Variants in LIN7A observed in about 807,000 individuals in gnomAD.
LIN7A encodes the protein lin-7 cell polarity scaffold A.
LIN7A carries 25 observed loss-of-function variants against 29.8 expected under a neutral mutation model. The ratio of observed to expected loss-of-function variants is 0.84; its 90% CI spans 0.61 to 1.17. The LOEUF (loss-of-function observed/expected upper bound fraction) is 1.17. LIN7A is among the 50% of genes most tolerant of loss of function. The probability of loss-of-function intolerance (pLI) is 0.00; values close to 1 mark genes in which losing one functional copy is unlikely to be tolerated. For synonymous variants in LIN7A, 118 were observed against 107.5 expected (o/e 1.10, Z -0.60); for missense variants, 239 against 287.0 (o/e 0.83, Z 1.21).
chr12:80,864,323 A>T (rs1425710882), intron 2 of LIN7A, among the ~76,000 whole-genome samples: 2 of 152,016 alleles, frequency 1.3e-5, no homozygotes, highest in South Asian at 4.1e-4. Flanking sequence ...CCATATCAAG[A>T]TGAGAAAAAA....
At chr12:80,800,715 A>G (rs1035713456) in intron 5 of LIN7A, among the ~76,000 whole-genome samples, 1 of 152,098 alleles carries the variant, frequency 6.6e-6, no homozygotes, top group African/African-American at 2.4e-5. Context: ...AGCATATCAG[A>G]TAGAAGCAGA....
At chr12:80,848,112 C>T in intron 3 of LIN7A, 139 bp downstream of exon 3, 1 of 714,732 alleles carries the variant, frequency 1.4e-6, no homozygotes, top group South Asian at 1.5e-5. Flanking sequence ...AGAAGTAGTA[C>T]TGGTTCTAGA....
At chr12:80,928,506 T>A (rs755229602) in intron 1 of LIN7A, among the ~76,000 whole-genome samples, 3 of 152,244 alleles carry the variant, frequency 2.0e-5, no homozygotes, top group Non-Finnish European at 4.4e-5. Flanking sequence ...TTTTGAGGAA[T>A]GTCTGTTCAT....
In LIN7A at chr12:80,819,413, CTT is replaced by C. The variant is rs368578190; in HGVS notation, c.484-7732_484-7731del. On this transcript the variant is annotated intron_variant, in intron 4 of 5. Coordinates refer to ENST00000552864, the MANE Select transcript of LIN7A (RefSeq NM_004664.4). ...AATATGCTAATGATCTCCCATAGTACTTTGTTCTTGCTTTATGCTAATATCTA... is the reference window on the plus strand; with the variant it reads ...AATATGCTAATGATCTCCCATAGTACTGTTCTTGCTTTATGCTAATATCTA... Among the ~76,000 whole-genome samples the C allele has an allele frequency of 2.6e-3, 398 of 152,204 alleles. 1 individual carries two copies. The highest frequency in any genetic ancestry group is 8.8e-3 in the African/African-American group (367 of 41,530).
intron 1 of LIN7A, among the ~76,000 whole-genome samples, chr12:80,927,597 A>G (rs2037407): frequency 0.14 from 21,187 of 152,188 alleles, 3,172 homozygotes; most frequent in African/African-American, 0.36. Context: ...GCTGGCATTT[A>G]GCTCCTGGGA....
chr12:80,868,491 C>T (rs1325407762), intron 2 of LIN7A, among the ~76,000 whole-genome samples: 1 of 152,166 alleles, frequency 6.6e-6, no homozygotes, highest in African/African-American at 2.4e-5. Context: ...TTGTTTGAAC[C>T]TGGGAGGTGG....
intron 5 of LIN7A, among the ~76,000 whole-genome samples, chr12:80,802,766 G>C (rs755361593): frequency 6.6e-5 from 10 of 150,462 alleles, no homozygotes; most frequent in Non-Finnish European, 1.5e-4. Flanking sequence ...TCCTCCTCCT[G>C]TGTAGCCGGG....
chr12:80,845,397 G>T (rs1392945847), intron 4 of LIN7A, among the ~76,000 whole-genome samples: 1 of 152,060 alleles, frequency 6.6e-6, no homozygotes, highest in Non-Finnish European at 1.5e-5. Context: ...GTATGTATTT[G>T]CTTATAGTAA....
chr12:80,870,736 G>A (rs895908782), intron 2 of LIN7A, among the ~76,000 whole-genome samples: 16 of 152,134 alleles, frequency 1.1e-4, no homozygotes, highest in African/African-American at 3.9e-4. Flanking sequence ...CAAGACTATC[G>A]CCAGACTATG....
intron 1 of LIN7A, among the ~76,000 whole-genome samples, chr12:80,910,493 A>G (rs1449346433): frequency 1.3e-5 from 2 of 152,166 alleles, no homozygotes; most frequent in African/African-American, 4.8e-5. Flanking sequence ...GCCTTTTACC[A>G]TTAAGTATGA....
At chr12:80,830,801 T>G (rs919685291) in intron 4 of LIN7A, among the ~76,000 whole-genome samples, 3 of 152,152 alleles carry the variant, frequency 2.0e-5, no homozygotes, top group Non-Finnish European at 4.4e-5. Flanking sequence ...TGTTGACACT[T>G]TCCTCTGATG....
At chr12:80,864,830 C>A (rs1344848214) in intron 2 of LIN7A, among the ~76,000 whole-genome samples, 2 of 152,092 alleles carry the variant, frequency 1.3e-5, no homozygotes, top group African/African-American at 4.8e-5. Context: ...ATTAACCTGT[C>A]TTTGGGGATG....
chr12:80,890,890 C>CT (rs1168343708), intron 1 of LIN7A, among the ~76,000 whole-genome samples: 2 of 152,106 alleles, frequency 1.3e-5, no homozygotes, highest in Non-Finnish European at 2.9e-5. Flanking sequence ...GAGTGAGACC[C>CT]TATCTCTAAA....
At chr12:80,820,501 G>C (rs1162421922) in intron 4 of LIN7A, among the ~76,000 whole-genome samples, 1 of 152,086 alleles carries the variant, frequency 6.6e-6, no homozygotes, top group Non-Finnish European at 1.5e-5. Flanking sequence ...TTTCAGATCT[G>C]GAGACTAAAA....
chr12:80,823,686 G>A (rs977622517), intron 4 of LIN7A, among the ~76,000 whole-genome samples: 6 of 152,226 alleles, frequency 3.9e-5, no homozygotes, highest in African/African-American at 1.4e-4. Flanking sequence ...GGGCAAAGGC[G>A]TCACTGGACA....
chr12:80,876,211 C>T (rs977249997), intron 2 of LIN7A, among the ~76,000 whole-genome samples: 1 of 151,836 alleles, frequency 6.6e-6, no homozygotes, highest in Non-Finnish European at 1.5e-5. Context: ...CACCCCTGTT[C>T]CCCAAACTCA....
At chr12:80,937,559 A>G (rs941123525) in intron 1 of LIN7A, 82 bp downstream of exon 1, 5 of 1,047,742 alleles carry the variant, frequency 4.8e-6, no homozygotes, top group South Asian at 2.0e-5. Context: ...AGCGCGTCCC[A>G]TGTCCCGTTG....
chr12:80,850,747 C>T (rs977219202), intron 2 of LIN7A, among the ~76,000 whole-genome samples: 6 of 152,124 alleles, frequency 3.9e-5, no homozygotes, highest in East Asian at 3.8e-4. Context: ...TTTCTTCGTA[C>T]GTGCAATGAT....
chr12:80,814,574 G>T (rs1871443385), intron 4 of LIN7A, among the ~76,000 whole-genome samples: 1 of 151,968 alleles, frequency 6.6e-6, no homozygotes, highest in Non-Finnish European at 1.5e-5. Flanking sequence ...CTGCGATTCA[G>T]TTGCCACAGG....
Sources: allele counts gnomAD v4.1 joint callset (sites outside exome capture counted in the v4.1 genomes callset), GRCh38; gene constraint gnomAD v4.1.1; transcripts MANE v1.5; gene names NCBI Gene and HGNC (gene_info 2026-07-23, HGNC 2026-07-21).